The following DNAJC21 variants were observed in gnomAD, a reference collection of about 807,000 sequenced individuals.
DNAJC21 encodes the protein dnaJ homolog subfamily C member 21.
DNAJC21 carries 63 observed loss-of-function variants against 72.4 expected under a neutral mutation model. That is an observed-to-expected ratio of 0.87 (90% CI 0.71 to 1.07). DNAJC21 has a LOEUF of 1.07. DNAJC21 is among the 50% of genes least tolerant of loss of function. The pLI is 0.00. For synonymous variants in DNAJC21, 203 were observed against 216.7 expected (o/e 0.94, Z 0.56); for missense variants, 634 against 644.8 (o/e 0.98, Z 0.18).
chr5:34,944,940 G>A lies in DNAJC21; in HGVS notation c.1057G>A (p.Glu353Lys). ...ALLKQQLEEE[E>K]ENFSRPQIDE... ...GCTAAAACAACAGCTGGAGGAGGAA[G>A]AAGAAAATTTTTCAAGACCTCAAAT... Residue 353 changes from glutamate to lysine, a missense_variant, in exon 8 of 12, where the codon GAA becomes AAA. Coordinates refer to ENST00000648817, the MANE Select transcript of DNAJC21 (RefSeq NM_001012339.3). 1 of 1,608,576 alleles carries A rather than the reference G, an allele frequency of 6.2e-7. No homozygotes were observed. The highest frequency in any genetic ancestry group is 8.5e-7 in the Non-Finnish European group (1 of 1,175,086).
At position 34,929,650 on chromosome 5, in the gene DNAJC21, T is replaced by C; in HGVS notation, c.-170T>C. 6.3e-6 allele frequency: 1 copy of C among 159,634 alleles called. No individual in the cohort carries two copies. The highest frequency in any genetic ancestry group is 1.3e-5 in the Non-Finnish European group (1 of 77,752). The allele number at this position is 159,634 out of a possible 1,614,324, so 9.9% of individuals were successfully genotyped here. A position where few individuals can be genotyped will look rare whatever the true frequency, so the allele number is the denominator to read the frequency against. On this transcript the variant is annotated 5_prime_UTR_variant, in exon 1 of 12. Coordinates refer to ENST00000648817, the MANE Select transcript of DNAJC21 (RefSeq NM_001012339.3). ...CCGCCACCGCGCGCCTTCACTGACC[T>C]ACACCACCGCCGCCGCCGCCGCCGC...
rs1432828180 is a variant in DNAJC21, at chr5:34,935,777, G to A, written c.259G>A (p.Asp87Asn). 1 of 1,614,012 alleles carries A rather than the reference G, an allele frequency of 6.2e-7. No homozygotes were observed. The highest frequency in any genetic ancestry group is 8.5e-7 in the Non-Finnish European group (1 of 1,179,964). ...TGGCGAATATCAAGATGACAGCTTA[G>A]ATTTGCTACGCTATTTCACCGTTAC... is the stretch of plus-strand genomic sequence containing the variant. ...FDGEYQDDSL[D>N]LLRYFTVTCY... The change falls in exon 3 of 12, where the codon GAT becomes AAT. Residue 87 changes from aspartate (D) to asparagine (N), a missense_variant. Transcript: ENST00000648817.
intron 10 of DNAJC21, among the ~76,000 whole-genome samples, chr5:34,953,119 G>A (rs984574080): frequency 4.0e-5 from 6 of 151,822 alleles, no homozygotes; most frequent in African/African-American, 1.5e-4. Flanking sequence ...CACTGCACTC[G>A]AGCCTGGGTG....
chr5:34,929,668 G>A lies in DNAJC21; in HGVS notation c.-152G>A, dbSNP rs916689366. The A allele has an allele frequency of 1.1e-5, 2 of 185,118 alleles. No homozygotes were observed. Among genetic ancestry groups the A allele is most frequent in the African/African-American group, 2.4e-5 (1 of 41,412 alleles). 11.5% of individuals were successfully genotyped at this position (185,118 alleles called of 1,614,324 possible). ...ACTGACCTACACCACCGCCGCCGCC[G>A]CCGCCGCCGCCGGGCTCGCTGGCTG... On this transcript the variant is annotated 5_prime_UTR_variant, in exon 1 of 12. Coordinates refer to ENST00000648817, the MANE Select transcript of DNAJC21 (RefSeq NM_001012339.3).
chr5:34,950,045 GT>G lies in DNAJC21; in HGVS notation c.1186-123del. The G allele has an allele frequency of 2.7e-6, 3 of 1,104,206 alleles. No individual in the cohort carries two copies. In the African/African-American group the frequency reaches 4.8e-5, roughly 18 times the overall value. The allele number at this position is 1,104,206 out of a possible 1,614,324, so 68.4% of individuals were successfully genotyped here. Reference sequence around the variant, plus strand: ...TACTATCACTGTAATGAGCATCCATGTTCTTAACTTACCTGCTTCTCCTTTT... The same window carrying G: ...TACTATCACTGTAATGAGCATCCATGTCTTAACTTACCTGCTTCTCCTTTT... On this transcript the variant is annotated intron_variant, in intron 9 of 11. Transcript: ENST00000648817.
At chr5:34,954,468 G>T in intron 11 of DNAJC21, 85 bp from the exon 12 acceptor site, 1 of 1,419,652 alleles carries the variant, frequency 7.0e-7, no homozygotes, top group South Asian at 1.5e-5. Flanking sequence ...ACAATTGTTT[G>T]ATGCTTAATC....
chr5:34,957,116 G>T lies in DNAJC21; in HGVS notation c.*2402G>T, dbSNP rs564493715. 1.3e-5 allele frequency: 2 copies of T among 152,114 alleles called. No homozygotes were observed. The highest frequency in any genetic ancestry group is 2.9e-5 in the Non-Finnish European group (2 of 68,032). 9.4% of individuals were successfully genotyped at this position (152,114 alleles called of 1,614,324 possible). A position where few individuals can be genotyped will look rare whatever the true frequency, so the allele number is the denominator to read the frequency against. On this transcript the variant is annotated 3_prime_UTR_variant, in exon 12 of 12. Coordinates refer to ENST00000648817, the MANE Select transcript of DNAJC21 (RefSeq NM_001012339.3). ...TACTTTTGAAGAGGAAAACAGGAAC[G>T]TACCATATATTTTGCTAAGGGTAAA... is the stretch of plus-strand genomic sequence containing the variant.
At chr5:34,929,951 G>T in intron 1 of DNAJC21, 35 bp downstream of exon 1, 1 of 1,512,124 alleles carries the variant, frequency 6.6e-7, no homozygotes, top group Non-Finnish European at 8.9e-7. Flanking sequence ...GCGGCCACTC[G>T]GAGAAGCCCG....
At position 34,933,866 on chromosome 5, in the gene DNAJC21, A is replaced by C; in HGVS notation, c.149A>C (p.Gln50Pro). The C allele has an allele frequency of 6.2e-7, 1 of 1,614,040 alleles. No individual in the cohort carries two copies. The highest frequency in any genetic ancestry group is 8.5e-7 in the Non-Finnish European group (1 of 1,179,968). ...GCAGCTGAACAATTTAAATTAATCC[A>C]AGCAGCATATGATGTGTTGAGTGAC... The part of the protein sequence containing the change: ...AEAAEQFKLI[Q>P]AAYDVLSDPQ... The change falls in exon 2 of 12, where the codon CAA becomes CCA. Residue 50 changes from glutamine (Q) to proline (P), a missense_variant. Transcript: ENST00000648817.
intron 1 of DNAJC21, among the ~76,000 whole-genome samples, chr5:34,932,565 T>A (rs1471827180): frequency 6.6e-6 from 1 of 152,160 alleles, no homozygotes; most frequent in Non-Finnish European, 1.5e-5. Flanking sequence ...ACAGCAAGCC[T>A]ATGTTGACTA....
At chr5:34,954,478 C>G in intron 11 of DNAJC21, 75 bp from the exon 12 acceptor site, 1 of 1,457,002 alleles carries the variant, frequency 6.9e-7, no homozygotes, top group Non-Finnish European at 9.2e-7. Flanking sequence ...GATGCTTAAT[C>G]TTGATATTAA....
chr5:34,938,710 G>T, intron 5 of DNAJC21, 148 bp from the exon 6 acceptor site: 1 of 779,948 alleles, frequency 1.3e-6, no homozygotes, highest in Non-Finnish European at 1.8e-6. Context: ...ACTTTGCCTT[G>T]GTTTTAACTA....
chr5:34,954,618 T>C lies in DNAJC21; in HGVS notation c.1500T>C (p.His500=). Residue 500 remains histidine (H), a synonymous_variant, in exon 12 of 12, where the codon CAT becomes CAC. Transcript: ENST00000648817. The part of the protein sequence containing the change: ...EFPSRNKLFD[H]LKATGHARAP... ...CATCTCGGAATAAACTTTTTGACCA[T>C]CTAAAGGCCACAGGTCATGCAAGAG... The C allele has an allele frequency of 1.9e-6, 3 of 1,613,630 alleles. No individual in the cohort carries two copies. Among genetic ancestry groups the C allele is most frequent in the Non-Finnish European group, 2.5e-6 (3 of 1,179,840 alleles).
intron 4 of DNAJC21, among the ~76,000 whole-genome samples, chr5:34,936,597 C>T (rs1306609277): frequency 6.6e-6 from 1 of 152,236 alleles, no homozygotes; most frequent in Admixed American, 6.5e-5. Flanking sequence ...GCATGAGCCA[C>T]AGCTCCCAGC....
At position 34,938,734 on chromosome 5, in the gene DNAJC21, A is replaced by C. The variant is rs972824312; in HGVS notation, c.744-124A>C. 7 of 1,069,736 alleles carry C rather than the reference A, an allele frequency of 6.5e-6. No homozygotes were observed. The Admixed American group carries it at 2.2e-4, about 34-fold the overall frequency. The allele number at this position is 1,069,736 out of a possible 1,614,324, so 66.3% of individuals were successfully genotyped here. A position where few individuals can be genotyped will look rare whatever the true frequency, so the allele number is the denominator to read the frequency against. Reference sequence around the variant, plus strand: ...TGGTTTTAACTAAGCACAGGTTTTAAGTTTGTAAGCGTGGATAGGTTGGGA... The same window carrying C: ...TGGTTTTAACTAAGCACAGGTTTTACGTTTGTAAGCGTGGATAGGTTGGGA... On this transcript the variant is annotated intron_variant, in intron 5 of 11. Transcript: ENST00000648817.
At chr5:34,952,221 G>T (rs1765397012) in intron 10 of DNAJC21, 1 of 984,984 alleles carries the variant, frequency 1.0e-6, no homozygotes, top group African/African-American at 1.7e-5. Flanking sequence ...TAATATAAGT[G>T]ATGTTTGCCA....
Position 34,954,843 on chromosome 5 carries a change from T to A in DNAJC21, c.*129T>A. 9.1e-7 allele frequency: 1 copy of A among 1,093,304 alleles called. No individual in the cohort carries two copies. The highest frequency in any genetic ancestry group is 1.2e-6 in the Non-Finnish European group (1 of 811,756). 67.7% of individuals were successfully genotyped at this position (1,093,304 alleles called of 1,614,324 possible). On this transcript the variant is annotated 3_prime_UTR_variant, in exon 12 of 12. Transcript: ENST00000648817. The stretch of plus-strand genomic sequence containing the variant: ...ACATTGTGGAAGATTATTTTTTATC[T>A]TGTAAAAACACTTTTTTGGTTTAAT...
intron 1 of DNAJC21, among the ~76,000 whole-genome samples, chr5:34,932,729 C>A (rs1205812484): frequency 6.6e-6 from 1 of 152,234 alleles, no homozygotes; most frequent in East Asian, 1.9e-4. Context: ...CCTCAGTGCT[C>A]TGCCGGCTAT....
chr5:34,938,499 T>C (rs1049479257), intron 5 of DNAJC21, among the ~76,000 whole-genome samples: 5 of 152,222 alleles, frequency 3.3e-5, no homozygotes, highest in African/African-American at 1.2e-4. Context: ...GTCCAGAGCA[T>C]TATAGCATAC....
Sources: gnomAD v4.1 joint callset for allele counts (sites outside exome capture counted in the v4.1 genomes callset) on GRCh38, gnomAD v4.1.1 for gene constraint, MANE v1.5 for transcripts, NCBI Gene and HGNC (gene_info 2026-07-23, HGNC 2026-07-21) for gene names.